TRIM60: variants seen among roughly 807,000 people sequenced by gnomAD.
TRIM60 encodes tripartite motif containing 60, also known as tripartite motif-containing protein 60.
For missense variants in TRIM60, 524 were observed against 540.8 expected, an observed-to-expected ratio of 0.97 and a Z score of 0.31; for synonymous variants, 189 against 195.2, an observed-to-expected ratio of 0.97 and a Z score of 0.27.
intron 1 of TRIM60, among the ~76,000 whole-genome samples, chr4:165,037,692 C>G (rs374479829): frequency 6.6e-5 from 10 of 152,086 alleles, no homozygotes; most frequent in African/African-American, 2.2e-4. Flanking sequence ...GTGCCTAGCT[C>G]CTGTTTCATT....
At chr4:165,034,986 C>T (rs963832988) in intron 1 of TRIM60, among the ~76,000 whole-genome samples, 3 of 152,142 alleles carry the variant, frequency 2.0e-5, no homozygotes, top group Admixed American at 6.6e-5. Context: ...GTAATAATAC[C>T]TGTATTAGTA....
At chr4:165,033,972 T>C (rs768863015) in intron 1 of TRIM60, among the ~76,000 whole-genome samples, 1 of 152,116 alleles carries the variant, frequency 6.6e-6, no homozygotes, top group Non-Finnish European at 1.5e-5. Context: ...ATAGTTACTA[T>C]AGTAGGCTAA....
At chr4:165,034,494 T>A (rs1029894111) in intron 1 of TRIM60, among the ~76,000 whole-genome samples, 2 of 152,198 alleles carry the variant, frequency 1.3e-5, no homozygotes, top group Non-Finnish European at 2.9e-5. Context: ...TTTCTTATAA[T>A]TTAAAAAATT....
chr4:165,040,228 C>G lies in TRIM60; in HGVS notation c.156C>G (p.Pro52=), dbSNP rs781259882. 30 of 1,614,086 alleles carry G rather than the reference C, an allele frequency of 1.9e-5. 1 individual carries two copies. The South Asian group carries it at 3.1e-4, about 17-fold the overall frequency. The change falls in exon 3 of 3, where the codon CCC becomes CCG. Residue 52 remains proline, a synonymous_variant. Transcript: ENST00000512596. The stretch of plus-strand genomic sequence containing the variant: ...GGAAGGATCTAGATGATACCTTTCC[C>G]TGTCCTGTCTGCCGTTTTTGCTTTC... ...VSWKDLDDTF[P]CPVCRFCFPY...
At chr4:165,033,026 CAA>C (rs552897039) in intron 1 of TRIM60, among the ~76,000 whole-genome samples, 193 of 82,148 alleles carry the variant, frequency 2.3e-3, no homozygotes, top group Middle Eastern at 0.016. Context: ...CCTGTCTCTA[CAA>C]AAAAAAAAAA....
At chr4:165,033,116 G>A (rs905656735) in intron 1 of TRIM60, among the ~76,000 whole-genome samples, 2 of 152,192 alleles carry the variant, frequency 1.3e-5, no homozygotes, top group Admixed American at 6.5e-5. Context: ...CTTGAGCCTG[G>A]AGGCAGAGGT....
At chr4:165,038,851 G>C (rs1022731522) in intron 1 of TRIM60, among the ~76,000 whole-genome samples, 1 of 151,970 alleles carries the variant, frequency 6.6e-6, no homozygotes, top group African/African-American at 2.4e-5. Context: ...AAGGAGGGCA[G>C]ATCACATGAG....
chr4:165,035,088 G>A (rs927790461), intron 1 of TRIM60, among the ~76,000 whole-genome samples: 4 of 152,074 alleles, frequency 2.6e-5, no homozygotes, highest in Non-Finnish European at 5.9e-5. Context: ...ATTTTTTTGA[G>A]GTATCTCTCT....
At chr4:165,038,333 C>CT (rs965353281) in intron 1 of TRIM60, among the ~76,000 whole-genome samples, 7 of 151,866 alleles carry the variant, frequency 4.6e-5, no homozygotes, top group African/African-American at 1.7e-4. Flanking sequence ...TTTATTGCAA[C>CT]TTTTTTTTCC....
rs1579184251 is a variant in TRIM60, at chr4:165,041,419, G to A, written c.1347G>A (p.Trp449Ter). 3 of 1,611,594 alleles carry A rather than the reference G, an allele frequency of 1.9e-6. No homozygotes were observed. Among genetic ancestry groups the A allele is most frequent in the Non-Finnish European group, 2.5e-6 (3 of 1,178,660 alleles). ...TFNDCFTEAVWPYFYTGTDSE... is the reference protein window; with the variant it reads ...TFNDCFTEAV ...ACGATTGTTTCACAGAAGCCGTTTGGCCTTATTTCTATACTGGAACAGATT... is the reference window on the plus strand; with the variant it reads ...ACGATTGTTTCACAGAAGCCGTTTGACCTTATTTCTATACTGGAACAGATT... The change falls in exon 3 of 3, where the codon TGG (tryptophan) becomes TGA (stop). Residue 449 changes from tryptophan to a stop codon, truncating the protein, a stop_gained. Transcript: ENST00000512596. LOFTEE classifies it low-confidence loss of function (END_TRUNC).
chr4:165,041,700 G>A lies in TRIM60; in HGVS notation c.*212G>A. 1 of 388,704 alleles carries A rather than the reference G, an allele frequency of 2.6e-6. No homozygotes were observed. The highest frequency in any genetic ancestry group is 4.7e-6 in the Non-Finnish European group (1 of 212,392). 24.1% of individuals were successfully genotyped at this position (388,704 alleles called of 1,614,324 possible). A position where few individuals can be genotyped will look rare whatever the true frequency, so the allele number is the denominator to read the frequency against. On this transcript the variant is annotated 3_prime_UTR_variant, in exon 3 of 3. Coordinates refer to ENST00000512596, the MANE Select transcript of TRIM60 (RefSeq NM_152620.3). ...TTGATTTCTAAGATAAAATATTTTA[G>A]AATTATGTTACTTAACATGTCCAAT... is the stretch of plus-strand genomic sequence containing the variant.
Position 165,041,474 on chromosome 4 carries a change from G to C in TRIM60, c.1402G>C (p.Asp468His). The change falls in exon 3 of 3, where the codon GAT becomes CAT. Residue 468 changes from aspartate to histidine, a missense_variant. Coordinates refer to ENST00000512596, the MANE Select transcript of TRIM60 (RefSeq NM_152620.3). ...ACCTCTTAAAATCTGCTCAGTATCA[G>C]ATTCTGAAAGATAAGGAACTGGTAA... is the stretch of plus-strand genomic sequence containing the variant. ...SEPLKICSVSDSER is the reference protein window; with the variant it reads ...SEPLKICSVSHSER The C allele has an allele frequency of 6.5e-7, 1 of 1,546,420 alleles. No homozygotes were observed. The highest frequency in any genetic ancestry group is 8.7e-7 in the Non-Finnish European group (1 of 1,149,198).
chr4:165,040,899 G>GT lies in TRIM60; in HGVS notation c.830dup (p.Ser278GlnfsTer35). 6.2e-7 allele frequency: 1 copy of GT among 1,612,664 alleles called. No homozygotes were observed. The highest frequency in any genetic ancestry group is 8.5e-7 in the Non-Finnish European group (1 of 1,179,170). On this transcript the variant is annotated frameshift_variant, in exon 3 of 3. Coordinates refer to ENST00000512596, the MANE Select transcript of TRIM60 (RefSeq NM_152620.3). LOFTEE classifies it low-confidence loss of function (END_TRUNC). ...TTTTCATTTAGATTAACAAAATATG[G>GT]TTTCAGTCTTCCTCCTCAATATTCT...
At position 165,040,234 on chromosome 4, in the gene TRIM60, T is replaced by C. The variant is rs145587680; in HGVS notation, c.162T>C (p.Pro54=). ...WKDLDDTFPC[P]VCRFCFPYKS... ...ATCTAGATGATACCTTTCCCTGTCCTGTCTGCCGTTTTTGCTTTCCATACA... is the reference window on the plus strand; with the variant it reads ...ATCTAGATGATACCTTTCCCTGTCCCGTCTGCCGTTTTTGCTTTCCATACA... Residue 54 remains proline (P), a synonymous_variant, in exon 3 of 3, where the codon CCT becomes CCC. Coordinates refer to ENST00000512596, the MANE Select transcript of TRIM60 (RefSeq NM_152620.3). 1.5e-4 allele frequency: 236 copies of C among 1,614,084 alleles called. No homozygotes were observed. The highest frequency in any genetic ancestry group is 1.9e-4 in the Non-Finnish European group (226 of 1,180,044).
At position 165,040,069 on chromosome 4, in the gene TRIM60, C is replaced by T. The variant is rs762616777; in HGVS notation, c.-4C>T. 1.2e-6 allele frequency: 2 copies of T among 1,610,402 alleles called. No individual in the cohort carries two copies. Among genetic ancestry groups the T allele is most frequent in the East Asian group, 2.2e-5 (1 of 44,876 alleles). ...CCTTATGCATTACCTTTGTTCGCAG[C>T]TCGATGGAGTTTGTGACAGCCCTGG... On this transcript the variant is annotated splice_region_variant and 5_prime_UTR_variant, in exon 3 of 3. Coordinates refer to ENST00000512596, the MANE Select transcript of TRIM60 (RefSeq NM_152620.3).
chr4:165,033,056 G>A (rs1451423116), intron 1 of TRIM60, among the ~76,000 whole-genome samples: 1 of 152,172 alleles, frequency 6.6e-6, no homozygotes, highest in Non-Finnish European at 1.5e-5. Context: ...CGGGCATGGT[G>A]GGGCGTGCCT....
Position 165,040,576 on chromosome 4 carries a change from A to G in TRIM60, c.504A>G (p.Lys168=). Residue 168 remains lysine, a synonymous_variant, in exon 3 of 3, where the codon AAA becomes AAG. Transcript: ENST00000512596. ...VEKVIILQGS[K]SVELKKKVEY... ...AAGTGATAATTCTGCAAGGCAGCAAATCAGTGGAGCTGAAAAAGAAGGTAG... is the reference window on the plus strand; with the variant it reads ...AAGTGATAATTCTGCAAGGCAGCAAGTCAGTGGAGCTGAAAAAGAAGGTAG... The G allele has an allele frequency of 1.2e-6, 2 of 1,614,180 alleles. No homozygotes were observed. Among genetic ancestry groups the G allele is most frequent in the Non-Finnish European group, 1.7e-6 (2 of 1,180,024 alleles).
At position 165,035,700 on chromosome 4, in the gene TRIM60, T is replaced by C. The variant is rs371222029; in HGVS notation, c.-56-3501T>C. ...GTTTGTATAAACACTGTAGGTGTAG[T>C]AAGCCACTCTTTTTTCTTTTTTTCT... On this transcript the variant is annotated intron_variant, in intron 1 of 2. Transcript: ENST00000512596. Among the ~76,000 whole-genome samples, 9 of 152,040 alleles carry C rather than the reference T, an allele frequency of 5.9e-5. No homozygotes were observed. In the East Asian group the frequency reaches 9.7e-4, roughly 16 times the overall value.
At chr4:165,035,282 C>A (rs1733595054) in intron 1 of TRIM60, among the ~76,000 whole-genome samples, 1 of 151,960 alleles carries the variant, frequency 6.6e-6, no homozygotes, top group African/African-American at 2.4e-5. Context: ...CCAGACTGGT[C>A]TTGAGTGTCT....
Sources: gnomAD v4.1 joint callset for allele counts (sites outside exome capture counted in the v4.1 genomes callset) on GRCh38, gnomAD v4.1.1 for gene constraint, MANE v1.5 for transcripts, NCBI Gene and HGNC (gene_info 2026-07-23, HGNC 2026-07-21) for gene names.